Variants in ADGRB3 observed in about 807,000 individuals in gnomAD.
ADGRB3 encodes the protein adhesion G protein-coupled receptor B3, also known as brain-specific angiogenesis inhibitor 3.
Under a neutral mutation model 193.4 loss-of-function variants are expected in ADGRB3, and 37 were observed. The observed-to-expected ratio is 0.19, with a 90% CI of 0.15 to 0.25. The LOEUF is 0.25. ADGRB3 is among the 10% of genes least tolerant of loss of function. The probability of loss-of-function intolerance (pLI) is 1.00; values close to 1 mark genes in which losing one functional copy is unlikely to be tolerated. For synonymous variants in ADGRB3, 690 were observed against 644.2 expected, an observed-to-expected ratio of 1.07 and a Z score of -1.08; for missense variants, 1,637 against 1,852.9, an observed-to-expected ratio of 0.88 and a Z score of 2.14.
chr6:69,340,666 G>A (rs748887566), intron 26 of ADGRB3, among the ~76,000 whole-genome samples: 4 of 152,088 alleles, frequency 2.6e-5, no homozygotes, highest in African/African-American at 9.7e-5. Flanking sequence ...TGCAGAACGT[G>A]CAGGTTTGTT....
At chr6:68,797,969 A>G (rs1421409622) in intron 3 of ADGRB3, among the ~76,000 whole-genome samples, 1 of 152,246 alleles carries the variant, frequency 6.6e-6, no homozygotes, top group African/African-American at 2.4e-5. Context: ...GGCATTTTCT[A>G]TTCTTGTCAT....
chr6:68,750,948 C>G (rs1766186133), intron 3 of ADGRB3, among the ~76,000 whole-genome samples: 1 of 152,170 alleles, frequency 6.6e-6, no homozygotes, highest in African/African-American at 2.4e-5. Flanking sequence ...GAGATCTTAC[C>G]TTTTTTGCCC....
chr6:68,801,033 G>T (rs1297693309), intron 3 of ADGRB3, among the ~76,000 whole-genome samples: 1 of 152,254 alleles, frequency 6.6e-6, no homozygotes, highest in Non-Finnish European at 1.5e-5. Context: ...ATCATGAGAT[G>T]ATGTCCAAAT....
chr6:68,888,648 A>G (rs543358335), intron 3 of ADGRB3, among the ~76,000 whole-genome samples: 46 of 152,248 alleles, frequency 3.0e-4, no homozygotes, highest in African/African-American at 1.1e-3. Flanking sequence ...TATGGAATAT[A>G]ATGAGAGATA....
chr6:68,796,343 T>C (rs766436121), intron 3 of ADGRB3, among the ~76,000 whole-genome samples: 1 of 152,092 alleles, frequency 6.6e-6, no homozygotes, highest in Non-Finnish European at 1.5e-5. Flanking sequence ...TTTGAAGCCT[T>C]GTATTAATAT....
intron 13 of ADGRB3, among the ~76,000 whole-genome samples, chr6:69,041,717 G>T (rs145496102): frequency 6.6e-6 from 1 of 151,894 alleles, no homozygotes; most frequent in Non-Finnish European, 1.5e-5. Context: ...GGATCCACCC[G>T]CCTCAGCCTC....
chr6:69,040,552 C>G (rs1172151358), intron 13 of ADGRB3, among the ~76,000 whole-genome samples: 2 of 150,632 alleles, frequency 1.3e-5, no homozygotes, highest in African/African-American at 2.4e-5. Context: ...GTAGGAGTGG[C>G]CTGAGAGGAA....
intron 3 of ADGRB3, among the ~76,000 whole-genome samples, chr6:68,819,318 A>T (rs988080360): frequency 6.6e-6 from 1 of 151,802 alleles, no homozygotes; most frequent in Non-Finnish European, 1.5e-5. Flanking sequence ...ATCTCTCTGC[A>T]CTATTTGGTA....
chr6:68,767,108 A>G (rs6910603), intron 3 of ADGRB3, among the ~76,000 whole-genome samples: 7,232 of 151,832 alleles, frequency 0.048, 356 homozygotes, highest in African/African-American at 0.12. Context: ...TTTCATTTTA[A>G]CTCCTTAATT....
chr6:69,067,838 T>C (rs944247058), intron 16 of ADGRB3, among the ~76,000 whole-genome samples: 1 of 152,180 alleles, frequency 6.6e-6, no homozygotes, highest in Admixed American at 6.6e-5. Flanking sequence ...TAGACATCCT[T>C]CTCATGTTTC....
intron 29 of ADGRB3, among the ~76,000 whole-genome samples, chr6:69,365,114 T>C (rs930005059): frequency 6.6e-6 from 1 of 152,120 alleles, no homozygotes; most frequent in African/African-American, 2.4e-5. Context: ...TTCCAACTTA[T>C]GTGCACATCT....
chr6:69,191,501 A>G (rs1385547762), intron 17 of ADGRB3, among the ~76,000 whole-genome samples: 1 of 152,182 alleles, frequency 6.6e-6, no homozygotes, highest in Non-Finnish European at 1.5e-5. Flanking sequence ...CTTTTACATG[A>G]TTCACAATTA....
chr6:69,219,469 A>ATATATAT (rs1306886296), intron 17 of ADGRB3, among the ~76,000 whole-genome samples: 1 of 74,628 alleles, frequency 1.3e-5, no homozygotes, highest in Non-Finnish European at 2.5e-5. Flanking sequence ...ACGTATATAT[A>ATATATAT]TATATATATA....
intron 15 of ADGRB3, among the ~76,000 whole-genome samples, chr6:69,058,247 C>CTTATGAT (rs920107414): frequency 4.0e-5 from 6 of 151,754 alleles, no homozygotes; most frequent in Non-Finnish European, 7.4e-5. Context: ...ATAGCTGTCT[C>CTTATGAT]TTATGATACT....
intron 17 of ADGRB3, among the ~76,000 whole-genome samples, chr6:69,088,670 G>A (rs866849495): frequency 1.8e-4 from 27 of 152,136 alleles, no homozygotes; most frequent in Admixed American, 1.7e-3. Context: ...CACTGTGCCC[G>A]GCCAATCTTA....
intron 3 of ADGRB3, among the ~76,000 whole-genome samples, chr6:68,714,186 G>C (rs1345275943): frequency 6.6e-6 from 1 of 151,600 alleles, no homozygotes; most frequent in African/African-American, 2.4e-5. Flanking sequence ...TTGTACTTCA[G>C]ACTTGAATCT....
chr6:69,159,052 G>C (rs1461598843), intron 17 of ADGRB3, among the ~76,000 whole-genome samples: 1 of 151,988 alleles, frequency 6.6e-6, no homozygotes, highest in Non-Finnish European at 1.5e-5. Context: ...AGAACACTGA[G>C]AAACTGTGGC....
At chr6:68,724,096 A>AT (rs976108733) in intron 3 of ADGRB3, among the ~76,000 whole-genome samples, 17 of 150,378 alleles carry the variant, frequency 1.1e-4, no homozygotes, top group African/African-American at 4.2e-4. Context: ...TACATGAAAT[A>AT]TTAAAAAAAA....
intron 3 of ADGRB3, among the ~76,000 whole-genome samples, chr6:68,851,977 A>G (rs1454540463): frequency 1.3e-5 from 2 of 151,904 alleles, no homozygotes; most frequent in Non-Finnish European, 3.0e-5. Flanking sequence ...GTTTTATTAT[A>G]TGAGAAAGAC....
Sources: allele counts gnomAD v4.1 joint callset (sites outside exome capture counted in the v4.1 genomes callset), GRCh38; gene constraint gnomAD v4.1.1; transcripts MANE v1.5; gene names NCBI Gene and HGNC (gene_info 2026-07-23, HGNC 2026-07-21).